Variants in KIAA1328 observed in about 807,000 individuals in gnomAD.
KIAA1328 encodes KIAA1328.
KIAA1328 carries 52 observed loss-of-function variants against 68.1 expected under a neutral mutation model. The observed-to-expected ratio is 0.76, with a 90% confidence interval of 0.61 to 0.96. KIAA1328 has a LOEUF of 0.96. Ranked by LOEUF, KIAA1328 falls within the 40% of genes least tolerant of loss-of-function variation. KIAA1328 has a pLI of 0.00. For synonymous variants in KIAA1328, 232 were observed against 239.4 expected (o/e 0.97, Z 0.28); for missense variants, 641 against 677.6 (o/e 0.95, Z 0.60).
Position 37,223,045 on chromosome 18 carries a change from T to TCGGGGGGGGGGGGGGGGC in KIAA1328, c.*819_*820insGGGGGGGGGGGGGGGGCC. The TCGGGGGGGGGGGGGGGGC allele has an allele frequency of 1.0e-6, 1 of 974,258 alleles. No homozygotes were observed. The highest frequency in any genetic ancestry group is 1.2e-6 in the Non-Finnish European group (1 of 825,510). The allele number at this position is 974,258 out of a possible 1,614,324, so 60.4% of individuals were successfully genotyped here. On this transcript the variant is annotated 3_prime_UTR_variant, in exon 10 of 10. Coordinates refer to ENST00000280020, the MANE Select transcript of KIAA1328 (RefSeq NM_020776.3). ...TTATTTACCCAAGTGTTCAGCTTATTCACCCCACCCCCCCACCCCCCATCA... is the reference window on the plus strand; with the variant it reads ...TTATTTACCCAAGTGTTCAGCTTATTCGGGGGGGGGGGGGGGGCCACCCCACCCCCCCACCCCCCATCA...
chr18:37,200,214 C>T (rs577688137), intron 9 of KIAA1328, among the ~76,000 whole-genome samples: 279 of 152,330 alleles, frequency 1.8e-3, no homozygotes, highest in Non-Finnish European at 3.2e-3. Flanking sequence ...TTGGGGAGTG[C>T]TCCATTACTA....
rs769342999 is a variant in KIAA1328 at position 36,834,368 on chromosome 18, A to G, written c.94+13A>G. On this transcript the variant is annotated intron_variant, in intron 2 of 9. Coordinates refer to ENST00000280020, the MANE Select transcript of KIAA1328 (RefSeq NM_020776.3). ...GTATACGTTCCAGGTATGATTTTCT[A>G]TGTTAAAATTTGGGAAGCTTACTTT... is the stretch of plus-strand genomic sequence containing the variant. 4.4e-6 allele frequency: 7 copies of G among 1,574,820 alleles called. No individual in the cohort carries two copies. The highest frequency in any genetic ancestry group is 1.2e-5 in the South Asian group (1 of 80,710).
Position 37,206,689 on chromosome 18 carries a change from A to G in KIAA1328, c.1524-15328A>G, listed in dbSNP as rs979072026. Among the ~76,000 whole-genome samples the G allele has an allele frequency of 3.9e-5, 6 of 152,136 alleles. No individual in the cohort carries two copies. The South Asian group carries it at 1.2e-3, about 32-fold the overall frequency. On this transcript the variant is annotated intron_variant, in intron 9 of 9. Coordinates refer to ENST00000280020, the MANE Select transcript of KIAA1328 (RefSeq NM_020776.3). The stretch of plus-strand genomic sequence containing the variant: ...GGCCTTAGTGTTTTCTTCTTTCTGA[A>G]TAGTTTTAGAAAGTTGATCTGCCAA...
At position 37,134,327 on chromosome 18, in the gene KIAA1328, T is replaced by C. The variant is rs572323694; in HGVS notation, c.1233-25873T>C. Among the ~76,000 whole-genome samples, 690 of 152,286 alleles carry C rather than the reference T, an allele frequency of 4.5e-3. 4 individuals are homozygous for C. The highest frequency in any genetic ancestry group is 6.8e-3 in the Non-Finnish European group (460 of 68,002). On this transcript the variant is annotated intron_variant, in intron 7 of 9. Transcript: ENST00000280020. ...CGCCTGGCTACATTCTTAACTGTTATTGAGGACCCCAAAGAAGTTTTATAT... is the reference window on the plus strand; with the variant it reads ...CGCCTGGCTACATTCTTAACTGTTACTGAGGACCCCAAAGAAGTTTTATAT...
Position 37,134,681 on chromosome 18 carries a change from A to G in KIAA1328, c.1233-25519A>G, listed in dbSNP as rs141105148. Among the ~76,000 whole-genome samples the G allele has an allele frequency of 2.1e-3, 316 of 152,340 alleles. 1 individual carries two copies. The highest frequency in any genetic ancestry group is 7.2e-3 in the African/African-American group (300 of 41,582). ...AAATAACACCTTCATATTATTGTGA[A>G]AATATTTTTTAAATTTTTTAAAATA... On this transcript the variant is annotated intron_variant, in intron 7 of 9. Transcript: ENST00000280020.
chr18:36,881,448 C>T (rs1265787019), intron 4 of KIAA1328, among the ~76,000 whole-genome samples: 1 of 146,176 alleles, frequency 6.8e-6, no homozygotes, highest in African/African-American at 2.8e-5. Context: ...TTAAACTTTA[C>T]TTAAAAAGAA....
chr18:36,890,408 C>T (rs1019300539), intron 5 of KIAA1328, among the ~76,000 whole-genome samples: 2 of 152,088 alleles, frequency 1.3e-5, no homozygotes, highest in African/African-American at 2.4e-5. Flanking sequence ...TCATGGCTCA[C>T]GCTTATAATC....
chr18:36,923,748 A>T (rs954160201), intron 5 of KIAA1328: 1 of 152,254 alleles, frequency 6.6e-6, no homozygotes, highest in Non-Finnish European at 1.5e-5. Context: ...TAAATTAATT[A>T]TAATTCAGTA....
intron 9 of KIAA1328, among the ~76,000 whole-genome samples, chr18:37,210,716 G>A (rs990028346): frequency 6.6e-6 from 1 of 152,096 alleles, no homozygotes; most frequent in Non-Finnish European, 1.5e-5. Context: ...GCTCTTTTCT[G>A]ACATTTAGTG....
intron 5 of KIAA1328, among the ~76,000 whole-genome samples, chr18:36,916,784 T>C (rs2049719739): frequency 6.6e-6 from 1 of 152,178 alleles, no homozygotes; most frequent in African/African-American, 2.4e-5. Context: ...ATTTTTTATT[T>C]GTTTGTTTGT....
intron 6 of KIAA1328, among the ~76,000 whole-genome samples, chr18:37,041,293 T>TGAA (rs1334133411): frequency 6.6e-6 from 1 of 152,126 alleles, no homozygotes; most frequent in Non-Finnish European, 1.5e-5. Flanking sequence ...TTTATCAGTA[T>TGAA]GAAATGACCT....
At chr18:37,008,294 C>T (rs911850534) in intron 6 of KIAA1328, among the ~76,000 whole-genome samples, 6 of 152,142 alleles carry the variant, frequency 3.9e-5, no homozygotes, top group Non-Finnish European at 5.9e-5. Context: ...AAAGCAGACC[C>T]AAAGCATTGT....
intron 5 of KIAA1328, among the ~76,000 whole-genome samples, chr18:36,912,540 T>G (rs184079108): frequency 6.6e-6 from 1 of 152,300 alleles, no homozygotes; most frequent in Admixed American, 6.5e-5. Context: ...TTTGCAGGTT[T>G]TGGGGATTAG....
chr18:37,163,116 CT>C (rs2059316749), intron 8 of KIAA1328, among the ~76,000 whole-genome samples: 1 of 152,048 alleles, frequency 6.6e-6, no homozygotes, highest in Non-Finnish European at 1.5e-5. Context: ...CTCTTTTTTC[CT>C]CCCTTGTAGC....
chr18:36,986,328 T>C (rs2052922184), intron 6 of KIAA1328, among the ~76,000 whole-genome samples: 1 of 151,968 alleles, frequency 6.6e-6, no homozygotes, highest in Non-Finnish European at 1.5e-5. Flanking sequence ...AATTTAAAAA[T>C]CAATTCAAGA....
intron 4 of KIAA1328, among the ~76,000 whole-genome samples, chr18:36,872,947 T>C (rs1328288750): frequency 6.6e-6 from 1 of 152,192 alleles, no homozygotes; most frequent in Non-Finnish European, 1.5e-5. Context: ...CTTTAATAAC[T>C]TTAAAGTGCC....
intron 6 of KIAA1328, among the ~76,000 whole-genome samples, chr18:37,001,440 C>T (rs1177457214): frequency 6.6e-6 from 1 of 152,032 alleles, no homozygotes; most frequent in Non-Finnish European, 1.5e-5. Context: ...TTATACCAAC[C>T]ATATTAAGAA....
At chr18:36,994,132 A>G (rs2053298710) in intron 6 of KIAA1328, among the ~76,000 whole-genome samples, 1 of 152,144 alleles carries the variant, frequency 6.6e-6, no homozygotes, top group Non-Finnish European at 1.5e-5. Context: ...ATTAAAATTA[A>G]CCTAGTTGAG....
chr18:37,013,585 G>A (rs2054049996), intron 6 of KIAA1328, among the ~76,000 whole-genome samples: 1 of 152,096 alleles, frequency 6.6e-6, no homozygotes, highest in South Asian at 2.1e-4. Flanking sequence ...TTATAAATGA[G>A]AACATGTAGT....
Sources: gnomAD v4.1 joint callset for allele counts (sites outside exome capture counted in the v4.1 genomes callset) on GRCh38, gnomAD v4.1.1 for gene constraint, MANE v1.5 for transcripts, NCBI Gene and HGNC (gene_info 2026-07-23, HGNC 2026-07-21) for gene names.